PRKN: variants seen among roughly 807,000 people sequenced by gnomAD.
The protein encoded by PRKN is E3 ubiquitin-protein ligase parkin.
In PRKN, 56 loss-of-function variants were observed where a neutral mutation model predicts 59.5. The ratio of observed to expected loss-of-function variants is 0.94; its 90% CI spans 0.76 to 1.18. The LOEUF (loss-of-function observed/expected upper bound fraction) is 1.18. Among genes scored for constraint, PRKN ranks in the 50% most tolerant of loss-of-function variants. PRKN has a pLI of 0.00. For missense variants in PRKN, 657 were observed against 596.4 expected (o/e 1.10, Z -1.06); for synonymous variants, 250 against 222.1 (o/e 1.13, Z -1.12).
chr6:161,693,155 A>T (rs1424233016), intron 7 of PRKN, among the ~76,000 whole-genome samples: 5 of 152,196 alleles, frequency 3.3e-5, no homozygotes, highest in Admixed American at 3.3e-4. Flanking sequence ...AGCTTATAAA[A>T]CATAGAAGAA....
In PRKN at chr6:161,918,912, G is replaced by A. The variant is rs185211120; in HGVS notation, c.734+54390C>T. ...AGAGAAACTAGAAACCAACACCCCC[G>A]CTCCCCACCACCACCTTTTGCTGGT... On this transcript the variant is annotated intron_variant, in intron 6 of 11. Coordinates refer to ENST00000366898, the MANE Select transcript of PRKN (RefSeq NM_004562.3). Among the ~76,000 whole-genome samples the A allele has an allele frequency of 3.3e-5, 5 of 152,128 alleles. 1 individual carries two copies. The highest frequency in any genetic ancestry group is 3.9e-4 in the East Asian group (2 of 5,176).
rs776775740 is a variant in PRKN, at chr6:161,359,881, A to G, written c.1285+207T>C. 6.6e-6 allele frequency among the ~76,000 whole-genome samples: 1 copy of G among 152,190 alleles called. No homozygotes were observed. Among genetic ancestry groups the G allele is most frequent in the Non-Finnish European group, 1.5e-5 (1 of 68,042 alleles). On this transcript the variant is annotated intron_variant, in intron 11 of 11. Coordinates refer to ENST00000366898, the MANE Select transcript of PRKN (RefSeq NM_004562.3). The surrounding 1 kb of genome is among the most constrained non-coding windows in gnomAD (Gnocchi z 5.4). ...CACATAAATGCTAACTGTGTGCCTC[A>G]CATAGCCATGGAACTACTCACTCAT... is the stretch of plus-strand genomic sequence containing the variant.
intron 10 of PRKN, among the ~76,000 whole-genome samples, chr6:161,374,753 G>T (rs1028658752): frequency 3.3e-5 from 5 of 150,450 alleles, no homozygotes; most frequent in Non-Finnish European, 7.4e-5. Flanking sequence ...GTGTGTGTGT[G>T]TGGTGTGTAG....
At chr6:161,744,379 C>T (rs1788326531) in intron 7 of PRKN, among the ~76,000 whole-genome samples, 1 of 152,028 alleles carries the variant, frequency 6.6e-6, no homozygotes, top group Admixed American at 6.5e-5. Flanking sequence ...CCATGTTGCA[C>T]ATGGCACAGA....
intron 3 of PRKN, among the ~76,000 whole-genome samples, chr6:162,258,834 T>C (rs1472870443): frequency 6.6e-6 from 1 of 152,222 alleles, no homozygotes; most frequent in Non-Finnish European, 1.5e-5. Context: ...TGTGACATGC[T>C]TGCGTTCTTA....
chr6:161,573,584 G>T (rs1444942744), intron 7 of PRKN, among the ~76,000 whole-genome samples: 1 of 150,090 alleles, frequency 6.7e-6, no homozygotes, highest in Non-Finnish European at 1.5e-5. Flanking sequence ...GCCTGGCGTG[G>T]TGGCGGGCGC....
intron 2 of PRKN, among the ~76,000 whole-genome samples, chr6:162,274,503 T>A (rs1780529763): frequency 6.6e-6 from 1 of 152,170 alleles, no homozygotes; most frequent in Admixed American, 6.5e-5. Flanking sequence ...TGTTTTTTTA[T>A]TAAGACATAA....
chr6:161,933,718 C>G (rs1464343869), intron 6 of PRKN, among the ~76,000 whole-genome samples: 2 of 151,854 alleles, frequency 1.3e-5, no homozygotes, highest in Non-Finnish European at 2.9e-5. Context: ...ACACTTTGTC[C>G]TAAAGTGTCT....
chr6:162,425,357 G>A (rs1439699771), intron 2 of PRKN, among the ~76,000 whole-genome samples: 1 of 152,114 alleles, frequency 6.6e-6, no homozygotes, highest in African/African-American at 2.4e-5. Context: ...GAAACCTTGT[G>A]AAAATATAAT....
intron 2 of PRKN, among the ~76,000 whole-genome samples, chr6:162,266,242 C>T (rs1339448574): frequency 6.6e-6 from 1 of 151,672 alleles, no homozygotes; most frequent in Non-Finnish European, 1.5e-5. Context: ...AAAATCTTTG[C>T]TTACTGTGCT....
intron 1 of PRKN, among the ~76,000 whole-genome samples, chr6:162,536,336 A>C (rs1200209689): frequency 6.6e-6 from 1 of 152,258 alleles, no homozygotes; most frequent in East Asian, 1.9e-4. Context: ...AGAACAAAAG[A>C]ATGTGCTTTC....
chr6:162,426,847 T>C (rs1789261930), intron 2 of PRKN, among the ~76,000 whole-genome samples: 1 of 152,208 alleles, frequency 6.6e-6, no homozygotes, highest in Non-Finnish European at 1.5e-5. Flanking sequence ...ATACAAATCA[T>C]AAACAAAGAT....
In PRKN at chr6:161,385,421, T is replaced by G. The variant is rs1432339933; in HGVS notation, c.1167+1373A>C. On this transcript the variant is annotated intron_variant, in intron 10 of 11. Coordinates refer to ENST00000366898, the MANE Select transcript of PRKN (RefSeq NM_004562.3). The surrounding 1 kb of genome is among the most constrained non-coding windows in gnomAD (Gnocchi z 4.9). ...AATCCAATATTAAGGTTTTAACAAT[T>G]TAAAAACATTTAATTTGGGCTACCT... Among the ~76,000 whole-genome samples the G allele has an allele frequency of 2.0e-5, 3 of 152,278 alleles. No homozygotes were observed. In the East Asian group the frequency reaches 5.8e-4, roughly 29 times the overall value.
At chr6:161,449,291 T>C (rs1789622954) in intron 9 of PRKN, among the ~76,000 whole-genome samples, 1 of 152,162 alleles carries the variant, frequency 6.6e-6, no homozygotes, top group Non-Finnish European at 1.5e-5. Context: ...ACCAGATCAC[T>C]TGCCTTCAAC....
In PRKN at chr6:161,549,624, G is replaced by C. The variant is rs571053367; in HGVS notation, c.934-621C>G. ...CCTGATGTCATTTCTTCCTGGTACC[G>C]TTTTGCTCAATTTCCTTTAATGGTT... On this transcript the variant is annotated intron_variant, in intron 8 of 11. Coordinates refer to ENST00000366898, the MANE Select transcript of PRKN (RefSeq NM_004562.3). The surrounding 1 kb of genome is among the most constrained non-coding windows in gnomAD (Gnocchi z 6.0). 2.6e-5 allele frequency among the ~76,000 whole-genome samples: 4 copies of C among 152,098 alleles called. No individual in the cohort carries two copies. Among genetic ancestry groups the C allele is most frequent in the South Asian group, 2.1e-4 (1 of 4,810 alleles).
At chr6:162,444,538 T>C (rs1372649507) in intron 1 of PRKN, among the ~76,000 whole-genome samples, 1 of 152,112 alleles carries the variant, frequency 6.6e-6, no homozygotes, top group East Asian at 1.9e-4. Context: ...CTTGCTTTTA[T>C]TCATGACCTC....
At chr6:162,299,685 C>G (rs1045290627) in intron 2 of PRKN, among the ~76,000 whole-genome samples, 1 of 150,206 alleles carries the variant, frequency 6.7e-6, no homozygotes, top group African/African-American at 2.4e-5. Flanking sequence ...ATATTTATTC[C>G]TTTATATATA....
At chr6:162,680,584 A>G (rs1421335171) in intron 1 of PRKN, among the ~76,000 whole-genome samples, 1 of 152,106 alleles carries the variant, frequency 6.6e-6, no homozygotes, top group Non-Finnish European at 1.5e-5. Flanking sequence ...GTCCTAAGGC[A>G]TTTCAGTAGA....
At chr6:162,161,735 G>A (rs1278122318) in intron 4 of PRKN, among the ~76,000 whole-genome samples, 4 of 152,230 alleles carry the variant, frequency 2.6e-5, no homozygotes, top group East Asian at 3.9e-4. Context: ...TGCCTGGGCC[G>A]TTCACCTTGC....
Sources: allele counts gnomAD v4.1 joint callset (sites outside exome capture counted in the v4.1 genomes callset), GRCh38; gene constraint gnomAD v4.1.1; non-coding constraint Gnocchi (gnomAD v3.1); transcripts MANE v1.5; gene names NCBI Gene and HGNC (gene_info 2026-07-23, HGNC 2026-07-21).